NLGN1: variants seen among roughly 807,000 people sequenced by gnomAD.
NLGN1 encodes neuroligin-1.
Under a neutral mutation model 65.5 loss-of-function variants are expected in NLGN1, and 12 were observed. The ratio of observed to expected loss-of-function variants is 0.18; its 90% CI spans 0.12 to 0.30. The LOEUF (loss-of-function observed/expected upper bound fraction) is 0.30, where lower values mean the gene tolerates loss of function less well. Among genes scored for constraint, NLGN1 ranks in the 10% least tolerant of loss-of-function variants. The probability of loss-of-function intolerance (pLI) is 1.00; values close to 1 mark genes in which losing one functional copy is unlikely to be tolerated. For synonymous variants in NLGN1, 350 were observed against 359.5 expected (o/e 0.97, Z 0.30); for missense variants, 750 against 1,007.1 (o/e 0.74, Z 3.46).
intron 4 of NLGN1, among the ~76,000 whole-genome samples, chr3:173,920,015 T>A (rs1221245786): frequency 6.6e-6 from 1 of 152,058 alleles, no homozygotes. Context: ...CATAGGACTT[T>A]AGATTGCAAA....
chr3:173,737,613 ATAT>A (rs1392015566), intron 3 of NLGN1, among the ~76,000 whole-genome samples: 1 of 152,112 alleles, frequency 6.6e-6, no homozygotes, highest in Non-Finnish European at 1.5e-5. Flanking sequence ...TTGCACAATA[ATAT>A]TACATTGTAG....
chr3:173,925,220 T>A (rs2152272699), intron 4 of NLGN1, among the ~76,000 whole-genome samples: 1 of 152,260 alleles, frequency 6.6e-6, no homozygotes, highest in African/African-American at 2.4e-5. Context: ...AAGTACTTAA[T>A]TAAAAAGTGA....
At chr3:173,616,751 C>A (rs1401832033) in intron 3 of NLGN1, among the ~76,000 whole-genome samples, 1 of 152,164 alleles carries the variant, frequency 6.6e-6, no homozygotes, top group Non-Finnish European at 1.5e-5. Flanking sequence ...ACTGTAATAG[C>A]CTCTTAACAG....
chr3:174,088,755 T>TAAAA (rs1414238466), intron 4 of NLGN1, among the ~76,000 whole-genome samples: 2 of 123,832 alleles, frequency 1.6e-5, no homozygotes, highest in African/African-American at 6.2e-5. Flanking sequence ...TCCATCTCAA[T>TAAAA]AAAAATAAAT....
chr3:173,645,242 G>A (rs985136733), intron 3 of NLGN1, among the ~76,000 whole-genome samples: 2 of 152,226 alleles, frequency 1.3e-5, no homozygotes, highest in Non-Finnish European at 2.9e-5. Flanking sequence ...TGGCAGTAAT[G>A]TTGATGTACA....
At chr3:174,212,508 G>C (rs1261555650) in intron 4 of NLGN1, among the ~76,000 whole-genome samples, 23 of 152,224 alleles carry the variant, frequency 1.5e-4, no homozygotes, top group Non-Finnish European at 2.9e-5. Context: ...CGAGGGCTCT[G>C]AGGACTGCCA....
intron 3 of NLGN1, among the ~76,000 whole-genome samples, chr3:173,787,783 G>A (rs1377503334): frequency 6.6e-6 from 1 of 152,168 alleles, no homozygotes; most frequent in Non-Finnish European, 1.5e-5. Context: ...TAGAAGGTAG[G>A]CTTTCAGTGA....
intron 4 of NLGN1, among the ~76,000 whole-genome samples, chr3:173,891,348 A>G (rs548866426): frequency 6.6e-6 from 1 of 152,260 alleles, no homozygotes; most frequent in African/African-American, 2.4e-5. Flanking sequence ...TCTTTAACCT[A>G]ATGTGATATT....
chr3:173,767,024 A>G (rs1233766278), intron 3 of NLGN1, among the ~76,000 whole-genome samples: 5 of 152,180 alleles, frequency 3.3e-5, no homozygotes, highest in Non-Finnish European at 7.4e-5. Flanking sequence ...AGTAATGATA[A>G]CATAAATAGT....
At chr3:173,522,680 A>G (rs954431651) in intron 2 of NLGN1, among the ~76,000 whole-genome samples, 10 of 151,994 alleles carry the variant, frequency 6.6e-5, no homozygotes, top group Non-Finnish European at 1.0e-4. Context: ...TGATCCACCC[A>G]CCTTGGCCTC....
intron 4 of NLGN1, among the ~76,000 whole-genome samples, chr3:173,996,904 A>G (rs1722388798): frequency 6.6e-6 from 1 of 152,166 alleles, no homozygotes; most frequent in Non-Finnish European, 1.5e-5. Context: ...CTTTATGTGG[A>G]GGACACCAGG....
intron 4 of NLGN1, among the ~76,000 whole-genome samples, chr3:173,820,041 G>A (rs1286968088): frequency 2.6e-5 from 4 of 152,086 alleles, no homozygotes; most frequent in South Asian, 2.1e-4. Flanking sequence ...TTAGCTGGGC[G>A]TGGTGGCTGC....
At chr3:173,831,107 A>G (rs1198887322) in intron 4 of NLGN1, among the ~76,000 whole-genome samples, 2 of 152,152 alleles carry the variant, frequency 1.3e-5, no homozygotes, top group Non-Finnish European at 2.9e-5. Context: ...TGTTGTTGCA[A>G]ATGACAGGAT....
At chr3:173,600,379 A>G (rs1474089676) in intron 2 of NLGN1, among the ~76,000 whole-genome samples, 2 of 152,082 alleles carry the variant, frequency 1.3e-5, no homozygotes, top group South Asian at 4.1e-4. Flanking sequence ...AATGGTAACC[A>G]TGCTGTCCAA....
intron 2 of NLGN1, among the ~76,000 whole-genome samples, chr3:173,525,082 T>C (rs999249313): frequency 2.0e-5 from 3 of 152,130 alleles, no homozygotes; most frequent in Non-Finnish European, 2.9e-5. Flanking sequence ...ATAGACTAGT[T>C]ATAGGAGGAA....
intron 4 of NLGN1, among the ~76,000 whole-genome samples, chr3:174,017,219 C>T (rs1267533570): frequency 6.6e-6 from 1 of 152,076 alleles, no homozygotes; most frequent in Non-Finnish European, 1.5e-5. Flanking sequence ...TAATATTTAG[C>T]TTGTTTATTC....
chr3:173,742,671 C>T (rs1774828391), intron 3 of NLGN1, among the ~76,000 whole-genome samples: 1 of 152,034 alleles, frequency 6.6e-6, no homozygotes, highest in African/African-American at 2.4e-5. Flanking sequence ...TTTTATATGA[C>T]ATTTTGATGC....
At chr3:173,409,678 T>A (rs1712100782) in intron 1 of NLGN1, among the ~76,000 whole-genome samples, 1 of 152,210 alleles carries the variant, frequency 6.6e-6, no homozygotes, top group Non-Finnish European at 1.5e-5. Context: ...GATTTTCCAT[T>A]GTGCTTTTGA....
chr3:173,931,513 GAGCAT>G (rs1468276576), intron 4 of NLGN1, among the ~76,000 whole-genome samples: 2 of 152,130 alleles, frequency 1.3e-5, no homozygotes, highest in African/African-American at 4.8e-5. Context: ...ATCTAGGAAA[GAGCAT>G]TCCAGGCAGA....
Sources: allele counts gnomAD v4.1 joint callset (sites outside exome capture counted in the v4.1 genomes callset), GRCh38; gene constraint gnomAD v4.1.1; transcripts MANE v1.5; gene names NCBI Gene and HGNC (gene_info 2026-07-23, HGNC 2026-07-21).